PPM1G: variants seen among roughly 807,000 people sequenced by gnomAD.
The protein encoded by PPM1G is protein phosphatase, Mg2+/Mn2+ dependent 1G.
Under a neutral mutation model 59.4 loss-of-function variants are expected in PPM1G, and 12 were observed. The observed-to-expected ratio is 0.20, with a 90% CI of 0.13 to 0.33. The LOEUF is 0.33. Among genes scored for constraint, PPM1G ranks in the 10% least tolerant of loss-of-function variants. The pLI is 1.00. For missense variants in PPM1G, 392 were observed against 681.3 expected (o/e 0.58, Z 4.73); for synonymous variants, 245 against 251.9 (o/e 0.97, Z 0.26).
At chr2:27,406,025 A>AAAC (rs935919837) in intron 1 of PPM1G, among the ~76,000 whole-genome samples, 2 of 152,040 alleles carry the variant, frequency 1.3e-5, no homozygotes, top group South Asian at 4.1e-4. Context: ...AAAACAAAAC[A>AAAC]AACAACAACA....
chr2:27,386,561 T>C (rs1683769385), intron 2 of PPM1G: 2 of 230,092 alleles, frequency 8.7e-6, no homozygotes, highest in South Asian at 6.6e-5. Context: ...GGGTACACTT[T>C]TTTGTTTTTT....
At chr2:27,386,904 G>T (rs1386135500) in intron 2 of PPM1G, 185 bp downstream of exon 2, 4 of 523,156 alleles carry the variant, frequency 7.6e-6, no homozygotes, top group African/African-American at 3.9e-5. Context: ...GTCCTGGTGA[G>T]ATTATAAACC....
chr2:27,392,286 G>GTTTTTTTT lies in PPM1G; in HGVS notation c.121-5136_121-5129dup, dbSNP rs70953857. ...TTACTTTGTTTTGTTGGTTTGTTTTGTTTTTTTTTTTTTTTTTTTTTTTTG... is the reference window on the plus strand; with the variant it reads ...TTACTTTGTTTTGTTGGTTTGTTTTGTTTTTTTTTTTTTTTTTTTTTTTTTTTTTTTTG... On this transcript the variant is annotated intron_variant, in intron 1 of 9. Transcript: ENST00000344034. Among the ~76,000 whole-genome samples, 94 of 70,364 alleles carry GTTTTTTTT rather than the reference G, an allele frequency of 1.3e-3. 1 individual carries two copies. The highest frequency in any genetic ancestry group is 4.9e-3 in the African/African-American group (80 of 16,218). The allele number at this position is 70,364 out of a possible 152,430, so 46.2% of individuals were successfully genotyped here.
At position 27,385,838 on chromosome 2, in the gene PPM1G, G is replaced by A. The variant is rs1384045037; in HGVS notation, c.318C>T (p.Thr106=). 1.2e-6 allele frequency: 2 copies of A among 1,613,770 alleles called. No individual in the cohort carries two copies. Among genetic ancestry groups the A allele is most frequent in the Non-Finnish European group, 1.7e-6 (2 of 1,179,926 alleles). The stretch of plus-strand genomic sequence containing the variant: ...CCAGCTCTTTAATGACTTCTTCAGT[G>A]GTCAATTTGGCGTCAATAGCCAAGA... ...DAFLAIDAKL[T]TEEVIKELAQ... The change falls in exon 4 of 10, where the codon ACC becomes ACT. Residue 106 remains threonine (T), a synonymous_variant. Coordinates refer to ENST00000344034, the MANE Select transcript of PPM1G (RefSeq NM_177983.3). The surrounding 1 kb of genome is among the most constrained non-coding windows in gnomAD (Gnocchi z 4.1).
intron 1 of PPM1G, among the ~76,000 whole-genome samples, chr2:27,396,538 G>A (rs1459314788): frequency 6.6e-6 from 1 of 152,002 alleles, no homozygotes; most frequent in East Asian, 1.9e-4. Flanking sequence ...TTTAAGGCCG[G>A]GCGTGGTGGC....
rs1432054373 is a variant in PPM1G at position 27,385,371 on chromosome 2, G to C, written c.410-283C>G. On this transcript the variant is annotated intron_variant, in intron 4 of 9. Transcript: ENST00000344034. The surrounding 1 kb of genome is among the most constrained non-coding windows in gnomAD (Gnocchi z 4.1). ...TGTTAAGTTGTAAAAACCCTATTCTGGCTGAGGATCCAGGAAGCCCACAAT... is the reference window on the plus strand; with the variant it reads ...TGTTAAGTTGTAAAAACCCTATTCTCGCTGAGGATCCAGGAAGCCCACAAT... 4.7e-6 allele frequency: 2 copies of C among 428,472 alleles called. No individual in the cohort carries two copies. The highest frequency in any genetic ancestry group is 8.2e-6 in the Non-Finnish European group (2 of 243,802). 26.5% of individuals were successfully genotyped at this position (428,472 alleles called of 1,614,324 possible).
intron 1 of PPM1G, among the ~76,000 whole-genome samples, chr2:27,395,241 A>G (rs1684018724): frequency 6.7e-6 from 1 of 148,790 alleles, no homozygotes; most frequent in South Asian, 2.1e-4. Flanking sequence ...CTCAAAAAAA[A>G]AAAAAAAAAG....
In PPM1G at chr2:27,387,162, G is replaced by C. The variant is rs538674405; in HGVS notation, c.121-4C>G. 8 of 1,609,978 alleles carry C rather than the reference G, an allele frequency of 5.0e-6. No individual in the cohort carries two copies. In the African/African-American group the frequency reaches 8.0e-5, roughly 16 times the overall value. ...CAGGAATACAGTTGTGAGCATCCTA[G>C]GAAAAGAAGAGCATAATCGGCATGT... On this transcript the variant is annotated splice_polypyrimidine_tract_variant and splice_region_variant and intron_variant, in intron 1 of 9. Transcript: ENST00000344034.
At chr2:27,394,392 C>T (rs1337743540) in intron 1 of PPM1G, among the ~76,000 whole-genome samples, 1 of 152,118 alleles carries the variant, frequency 6.6e-6, no homozygotes, top group Admixed American at 6.6e-5. Context: ...CACTACCTGG[C>T]CTAGTGCCTA....
intron 1 of PPM1G, among the ~76,000 whole-genome samples, chr2:27,391,693 T>C (rs1350212374): frequency 1.3e-5 from 2 of 152,092 alleles, no homozygotes. Context: ...TGTAGTTCTA[T>C]ACCTCTGACT....
chr2:27,385,624 T>C lies in PPM1G; in HGVS notation c.409+123A>G. ...ATACAATGCAGGAGAACATCATAGGTTTCTTTAACATAAGGACTCCCCAGG... is the reference window on the plus strand; with the variant it reads ...ATACAATGCAGGAGAACATCATAGGCTTCTTTAACATAAGGACTCCCCAGG... On this transcript the variant is annotated intron_variant, in intron 4 of 9. Coordinates refer to ENST00000344034, the MANE Select transcript of PPM1G (RefSeq NM_177983.3). The surrounding 1 kb of genome is among the most constrained non-coding windows in gnomAD (Gnocchi z 4.1). 1 of 1,263,342 alleles carries C rather than the reference T, an allele frequency of 7.9e-7. No individual in the cohort carries two copies. Among genetic ancestry groups the C allele is most frequent in the Non-Finnish European group, 1.1e-6 (1 of 924,274 alleles). The allele number at this position is 1,263,342 out of a possible 1,614,324, so 78.3% of individuals were successfully genotyped here.
intron 1 of PPM1G, among the ~76,000 whole-genome samples, chr2:27,396,884 C>T (rs966745167): frequency 6.6e-6 from 1 of 151,350 alleles, no homozygotes; most frequent in Non-Finnish European, 1.5e-5. Flanking sequence ...CTTTGTTTCC[C>T]TTGAAACAGA....
At chr2:27,403,015 T>C (rs1684222840) in intron 1 of PPM1G, among the ~76,000 whole-genome samples, 2 of 151,408 alleles carry the variant, frequency 1.3e-5, no homozygotes, top group South Asian at 4.2e-4. Flanking sequence ...TGCAGTGAAC[T>C]ATGATCGAGC....
chr2:27,393,238 T>C, intron 1 of PPM1G: 2 of 1,574,080 alleles, frequency 1.3e-6, no homozygotes, highest in East Asian at 2.2e-5. Flanking sequence ...ACATCATCGC[T>C]GTCAAAGTAG....
chr2:27,387,344 G>C (rs1446018785), intron 1 of PPM1G, among the ~76,000 whole-genome samples, 186 bp from the exon 2 acceptor site: 2 of 152,148 alleles, frequency 1.3e-5, no homozygotes, highest in Non-Finnish European at 2.9e-5. Context: ...AGGAGGAAAG[G>C]GGAAGGAGAA....
chr2:27,382,369 C>T lies in PPM1G; in HGVS notation c.1331+107G>A. On this transcript the variant is annotated intron_variant, in intron 8 of 9. Transcript: ENST00000344034. This position sits in a 1 kb window ranked among gnomAD's most constrained non-coding sequence, Gnocchi z 4.2. ...CCTTAGTCTGGGTGCTCTTCACCCACCAAGAGGCCTAGGTCTGCCTAGGCT... is the reference window on the plus strand; with the variant it reads ...CCTTAGTCTGGGTGCTCTTCACCCATCAAGAGGCCTAGGTCTGCCTAGGCT... 1 of 1,568,390 alleles carries T rather than the reference C, an allele frequency of 6.4e-7. No homozygotes were observed. The highest frequency in any genetic ancestry group is 8.7e-7 in the Non-Finnish European group (1 of 1,150,970).
chr2:27,383,936 C>T lies in PPM1G; in HGVS notation c.966+16G>A. The T allele has an allele frequency of 6.4e-7, 1 of 1,551,914 alleles. No homozygotes were observed. Among genetic ancestry groups the T allele is most frequent in the South Asian group, 1.2e-5 (1 of 84,018 alleles). ...TTGTGGCTTTTCAAGACTCATTGCTCCCCTTCCCCACACACCTCCTCTTTG... is the reference window on the plus strand; with the variant it reads ...TTGTGGCTTTTCAAGACTCATTGCTTCCCTTCCCCACACACCTCCTCTTTG... On this transcript the variant is annotated intron_variant, in intron 6 of 9. Transcript: ENST00000344034. The surrounding 1 kb of genome is among the most constrained non-coding windows in gnomAD (Gnocchi z 5.0).
At position 27,384,233 on chromosome 2, in the gene PPM1G, G is replaced by A; in HGVS notation, c.826-141C>T. 1.4e-6 allele frequency: 2 copies of A among 1,419,964 alleles called. No individual in the cohort carries two copies. Among genetic ancestry groups the A allele is most frequent in the Non-Finnish European group, 1.9e-6 (2 of 1,055,104 alleles). The allele number at this position is 1,419,964 out of a possible 1,614,324, so 88.0% of individuals were successfully genotyped here. A position where few individuals can be genotyped will look rare whatever the true frequency, so the allele number is the denominator to read the frequency against. On this transcript the variant is annotated intron_variant, in intron 5 of 9. Coordinates refer to ENST00000344034, the MANE Select transcript of PPM1G (RefSeq NM_177983.3). This position sits in a 1 kb window ranked among gnomAD's most constrained non-coding sequence, Gnocchi z 4.8. ...TACAAGTATATGGTCATGAAAATTG[G>A]GGGGATGGAAAGGGCTAGCATGAGT...
At chr2:27,396,177 C>T (rs928204105) in intron 1 of PPM1G, among the ~76,000 whole-genome samples, 2 of 152,038 alleles carry the variant, frequency 1.3e-5, no homozygotes, top group Non-Finnish European at 2.9e-5. Context: ...GAGGCCGAGG[C>T]AGGACAATCA....
Sources: gnomAD v4.1 joint callset for allele counts (sites outside exome capture counted in the v4.1 genomes callset) on GRCh38, gnomAD v4.1.1 for gene constraint, Gnocchi (gnomAD v3.1) non-coding constraint, MANE v1.5 for transcripts, NCBI Gene and HGNC (gene_info 2026-07-23, HGNC 2026-07-21) for gene names.